Variants in FANCA observed in about 807,000 individuals in gnomAD.
FANCA encodes FA complementation group A.
A neutral mutation model predicts 194.3 loss-of-function variants in FANCA; 236 were observed. The ratio of observed to expected loss-of-function variants is 1.21; its 90% CI spans 1.09 to 1.35. The LOEUF (loss-of-function observed/expected upper bound fraction) is 1.35. Ranked by LOEUF, FANCA falls within the 40% of genes most tolerant of loss-of-function variation. The pLI is 0.00. For missense variants in FANCA, 2,628 were observed against 1,813.9 expected (o/e 1.45, Z -8.15); for synonymous variants, 1,014 against 715.8 (o/e 1.42, Z -6.65).
intron 26 of FANCA, among the ~76,000 whole-genome samples, chr16:89,769,441 G>A (rs1027243642): frequency 5.3e-5 from 8 of 152,154 alleles, no homozygotes; most frequent in Non-Finnish European, 8.8e-5. Context: ...GAAACAGCCC[G>A]AGGTGTACAC....
At chr16:89,771,960 T>G (rs537525841) in intron 22 of FANCA, 146 bp from the exon 23 acceptor site, 12 of 980,986 alleles carry the variant, frequency 1.2e-5, no homozygotes, top group Non-Finnish European at 1.9e-5. Context: ...TGAACACCAG[T>G]GTTTGTTCGC....
chr16:89,809,853 CA>C (rs1288486504), intron 5 of FANCA, among the ~76,000 whole-genome samples: 229 of 128,268 alleles, frequency 1.8e-3, no homozygotes, highest in Non-Finnish European at 1.7e-3. Flanking sequence ...AACTCCATCT[CA>C]AAAAAAAAAA....
At chr16:89,783,525 T>G in intron 15 of FANCA, among the ~76,000 whole-genome samples, 1 of 148,250 alleles carries the variant, frequency 6.7e-6, no homozygotes, top group African/African-American at 2.5e-5. Context: ...CACTCCAGCC[T>G]GGGTGACACA....
chr16:89,781,060 G>C (rs1366584250), intron 17 of FANCA, among the ~76,000 whole-genome samples: 1 of 151,896 alleles, frequency 6.6e-6, no homozygotes, highest in Non-Finnish European at 1.5e-5. Flanking sequence ...AAATAAAAAG[G>C]TCTTAAAAAG....
intron 17 of FANCA, among the ~76,000 whole-genome samples, chr16:89,781,315 G>C (rs1025508365): frequency 2.3e-5 from 3 of 132,002 alleles, no homozygotes; most frequent in Admixed American, 9.0e-5. Context: ...AGTGAGCTGA[G>C]ACTGCGCCAC....
rs943755537 is a variant in FANCA, at chr16:89,812,867, T to C, written c.283+1653A>G. 1.8e-4 allele frequency among the ~76,000 whole-genome samples: 27 copies of C among 151,204 alleles called. 1 individual carries two copies. Among genetic ancestry groups the C allele is most frequent in the East Asian group, 2.0e-4 (1 of 5,088 alleles). On this transcript the variant is annotated intron_variant, in intron 3 of 42. Coordinates refer to ENST00000389301, the MANE Select transcript of FANCA (RefSeq NM_000135.4). ...GGCCAAGATGGTGAAACCCCGCCTC[T>C]ACTAAAAATACAAAAATTAGCTGGG...
chr16:89,747,432 G>A (rs2038428570), intron 33 of FANCA, among the ~76,000 whole-genome samples: 1 of 152,200 alleles, frequency 6.6e-6, no homozygotes, highest in African/African-American at 2.4e-5. Context: ...CACAAGGCCG[G>A]GCTCACACCT....
chr16:89,798,450 T>C (rs944679636), intron 10 of FANCA: 57 of 1,089,664 alleles, frequency 5.2e-5, no homozygotes, highest in Non-Finnish European at 6.3e-5. Context: ...CTGTGAGGGA[T>C]GGGAAATGAG....
chr16:89,745,857 G>A (rs377073452), intron 35 of FANCA, among the ~76,000 whole-genome samples: 2 of 152,188 alleles, frequency 1.3e-5, no homozygotes, highest in East Asian at 3.9e-4. Flanking sequence ...CTGGTCCTTG[G>A]ATGCCCTCAG....
At chr16:89,807,419 A>C (rs2040697739) in intron 6 of FANCA, among the ~76,000 whole-genome samples, 1 of 151,034 alleles carries the variant, frequency 6.6e-6, no homozygotes, top group Non-Finnish European at 1.5e-5. Flanking sequence ...TCACCACTGC[A>C]CTCCAGCCTG....
intron 39 of FANCA, 164 bp from the exon 40 acceptor site, chr16:89,739,717 T>A: frequency 1.3e-6 from 2 of 1,506,058 alleles, no homozygotes; most frequent in East Asian, 4.9e-5. Flanking sequence ...TGTCAGCAGC[T>A]GGGAGAGGAT....
intron 28 of FANCA, 165 bp downstream of exon 28, chr16:89,764,725 A>C: frequency 1.2e-6 from 1 of 829,992 alleles, no homozygotes; most frequent in Non-Finnish European, 2.1e-6. Context: ...CGCACCCTAG[A>C]CTCGAGACGA....
chr16:89,811,116 C>CA (rs752717984), intron 3 of FANCA, 45 bp from the exon 4 acceptor site: 2 of 1,612,622 alleles, frequency 1.2e-6, no homozygotes, highest in South Asian at 1.1e-5. Context: ...ACACATGAGA[C>CA]AAAATCTAAA....
intron 15 of FANCA, among the ~76,000 whole-genome samples, chr16:89,783,587 G>A (rs901436663): frequency 6.6e-6 from 1 of 151,374 alleles, no homozygotes; most frequent in Non-Finnish European, 1.5e-5. Context: ...CACAATAGAA[G>A]GCTGCTTCCC....
intron 3 of FANCA, 70 bp from the exon 4 acceptor site, chr16:89,811,141 G>C: frequency 1.3e-6 from 2 of 1,598,200 alleles, no homozygotes; most frequent in South Asian, 1.1e-5. Context: ...AAGACTTGCT[G>C]TTTAAAATGC....
intron 14 of FANCA, among the ~76,000 whole-genome samples, chr16:89,786,447 G>A (rs1482541368): frequency 6.6e-6 from 1 of 152,156 alleles, no homozygotes; most frequent in African/African-American, 2.4e-5. Flanking sequence ...AAAGTGCTGG[G>A]ATTACAGACA....
chr16:89,798,939 C>G, intron 10 of FANCA: 1 of 1,608,898 alleles, frequency 6.2e-7, no homozygotes, highest in Non-Finnish European at 8.5e-7. Context: ...CAGGATACTG[C>G]AGTGGGCGCA....
intron 14 of FANCA, among the ~76,000 whole-genome samples, chr16:89,788,114 C>A (rs185264316): frequency 6.6e-6 from 1 of 152,110 alleles, no homozygotes; most frequent in Non-Finnish European, 1.5e-5. Flanking sequence ...CTCAAGCAAT[C>A]GGCCCACCTC....
chr16:89,775,854 G>C (rs2039482709), intron 20 of FANCA, 39 bp from the exon 21 acceptor site: 2 of 1,345,388 alleles, frequency 1.5e-6, no homozygotes, highest in Admixed American at 1.8e-5. Context: ...GTCAGCTATG[G>C]CTTAAATTAA....
Sources: gnomAD v4.1 joint callset for allele counts (sites outside exome capture counted in the v4.1 genomes callset) on GRCh38, gnomAD v4.1.1 for gene constraint, MANE v1.5 for transcripts, NCBI Gene and HGNC (gene_info 2026-07-23, HGNC 2026-07-21) for gene names.